PPP2R5C: variants seen among roughly 807,000 people sequenced by gnomAD.
PPP2R5C encodes serine/threonine-protein phosphatase 2A 56 kDa regulatory subunit gamma isoform.
In PPP2R5C, 7 loss-of-function variants were observed where a neutral mutation model predicts 68.9. The ratio of observed to expected loss-of-function variants is 0.10; its 90% CI spans 0.06 to 0.19. PPP2R5C has a LOEUF of 0.19. PPP2R5C is among the 10% of genes least tolerant of loss of function. The pLI, the probability that PPP2R5C is intolerant of heterozygous loss-of-function variation, is 1.00. For synonymous variants in PPP2R5C, 210 were observed against 222.2 expected, an observed-to-expected ratio of 0.95 and a Z score of 0.49; for missense variants, 348 against 641.3, an observed-to-expected ratio of 0.54 and a Z score of 4.94.
rs373304623 is a variant in PPP2R5C, at chr14:101,911,604, C to T, written c.1254-797C>T. Among the ~76,000 whole-genome samples, 15 of 152,102 alleles carry T rather than the reference C, an allele frequency of 9.9e-5. No homozygotes were observed. In the South Asian group the frequency reaches 1.2e-3, roughly 13 times the overall value. Reference sequence around the variant, plus strand: ...TGGGTTGAAAAACTTGGATCCTGGCCGGGCGCAGTGGCTCACACCTGTAAT... The same window carrying T: ...TGGGTTGAAAAACTTGGATCCTGGCTGGGCGCAGTGGCTCACACCTGTAAT... On this transcript the variant is annotated intron_variant, in intron 11 of 13. Coordinates refer to ENST00000334743, the Ensembl canonical transcript of PPP2R5C.
chr14:101,918,047 A>C, intron 13 of PPP2R5C, 100 bp downstream of exon 15: 5 of 1,530,890 alleles, frequency 3.3e-6, no homozygotes, highest in Non-Finnish European at 4.4e-6. Context: ...CTTCTGTTTA[A>C]GCTGAAATTA....
rs1293628165 is a variant in PPP2R5C at position 101,917,411 on chromosome 14, G to A, written c.1327-420G>A. ...GAGGACATGATCGTGAGAGGAAAGG[G>A]AAAAGAATCATGAGGTTGGAGGTCG... On this transcript the variant is annotated intron_variant, in intron 12 of 13. Coordinates refer to ENST00000334743, the Ensembl canonical transcript of PPP2R5C. The surrounding 1 kb of genome is among the most constrained non-coding windows in gnomAD (Gnocchi z 4.4). 1.3e-5 allele frequency among the ~76,000 whole-genome samples: 2 copies of A among 152,222 alleles called. No homozygotes were observed. Among genetic ancestry groups the A allele is most frequent in the Non-Finnish European group, 2.9e-5 (2 of 68,032 alleles).
chr14:101,925,723 G>A (rs11553289), exon 14 of PPP2R5C: 4,852 of 153,374 alleles, frequency 0.032, 158 homozygotes, highest in African/African-American at 0.079. Flanking sequence ...CCACGTGATT[G>A]TTACGCCAGC....
intron 13 of PPP2R5C, among the ~76,000 whole-genome samples, chr14:101,919,839 G>T (rs925430504): frequency 1.3e-5 from 2 of 152,014 alleles, no homozygotes; most frequent in African/African-American, 2.4e-5. Flanking sequence ...CTTGGTGGCA[G>T]GTTCCTGTAA....
chr14:101,765,108 A>G lies in PPP2R5C; in HGVS notation c.93+2138A>G, dbSNP rs115849581. 1,182 of 701,654 alleles carry G rather than the reference A, an allele frequency of 1.7e-3. 8 individuals are homozygous for G. Among genetic ancestry groups the G allele is most frequent in the African/African-American group, 0.011 (622 of 57,334 alleles). The allele number at this position is 701,654 out of a possible 1,614,324, so 43.5% of individuals were successfully genotyped here. A position where few individuals can be genotyped will look rare whatever the true frequency, so the allele number is the denominator to read the frequency against. ...GTGTGAGACCTGCGGTGTGGCCTGC[A>G]GTGCCTGAGTATGATGCCCCACTTG... On this transcript the variant is annotated intron_variant, in intron 2 of 14. Transcript: ENST00000328724.
chr14:101,772,944 A>T (rs895381182), intron 2 of PPP2R5C, among the ~76,000 whole-genome samples: 1 of 152,136 alleles, frequency 6.6e-6, no homozygotes, highest in Admixed American at 6.5e-5. Flanking sequence ...GAAGCTGTGC[A>T]ATGTGGCAGA....
chr14:101,873,144 AAT>A (rs1359561478), intron 2 of PPP2R5C, among the ~76,000 whole-genome samples: 2 of 152,144 alleles, frequency 1.3e-5, no homozygotes, highest in Non-Finnish European at 2.9e-5. Context: ...GTCTTTTTAA[AAT>A]ATCTTTCACG....
chr14:101,796,269 G>A (rs2038604204), intron 3 of PPP2R5C, among the ~76,000 whole-genome samples: 1 of 152,242 alleles, frequency 6.6e-6, no homozygotes, highest in Non-Finnish European at 1.5e-5. Context: ...AGTTATCGGA[G>A]TGCCTGCTGC....
chr14:101,886,787 G>T (rs2044551724), intron 5 of PPP2R5C, among the ~76,000 whole-genome samples: 1 of 152,044 alleles, frequency 6.6e-6, no homozygotes, highest in Non-Finnish European at 1.5e-5. Context: ...GTACAGTGAT[G>T]CTGTACTCCA....
At chr14:101,848,292 G>C (rs1426197054) in intron 1 of PPP2R5C, among the ~76,000 whole-genome samples, 1 of 152,106 alleles carries the variant, frequency 6.6e-6, no homozygotes, top group African/African-American at 2.4e-5. Flanking sequence ...CAGCACTTTG[G>C]GAGGCCAAGG....
chr14:101,767,530 T>C (rs113432105), intron 2 of PPP2R5C, among the ~76,000 whole-genome samples: 3,302 of 6,978 alleles, frequency 0.47, 116 homozygotes, highest in Middle Eastern at 0.67. Context: ...GGGCTTTCGC[T>C]AGAACCTCCC....
rs1422138264 is a variant in PPP2R5C, at chr14:101,919,980, A to AC, written c.1443+2033_1443+2034insC. ...GCAAAACTCCGTCTCAAAAAAAAAAAAAAAAAAAAAAACCAATTCTTACAC... is the reference window on the plus strand; with the variant it reads ...GCAAAACTCCGTCTCAAAAAAAAAAACAAAAAAAAAAAACCAATTCTTACAC... On this transcript the variant is annotated intron_variant, in intron 13 of 13. Coordinates refer to ENST00000334743, the Ensembl canonical transcript of PPP2R5C. 2.0e-4 allele frequency among the ~76,000 whole-genome samples: 23 copies of AC among 114,184 alleles called. No individual in the cohort carries two copies. The Middle Eastern group carries it at 0.015, about 75-fold the overall frequency. The allele number at this position is 114,184 out of a possible 152,430, so 74.9% of individuals were successfully genotyped here. A position where few individuals can be genotyped will look rare whatever the true frequency, so the allele number is the denominator to read the frequency against.
At chr14:101,816,927 AAT>A (rs567552488) in intron 1 of PPP2R5C, among the ~76,000 whole-genome samples, 6 of 140,756 alleles carry the variant, frequency 4.3e-5, no homozygotes, top group African/African-American at 1.6e-4. Context: ...ATATTTATAT[AAT>A]ATATATAATA....
At chr14:101,765,456 AAACC>A in intron 2 of PPP2R5C, 1 of 577,736 alleles carries the variant, frequency 1.7e-6, no homozygotes, top group Non-Finnish European at 3.1e-6. Context: ...CAGGTGAATT[AAACC>A]ATTATTGCAC....
intron 2 of PPP2R5C, among the ~76,000 whole-genome samples, chr14:101,858,633 CT>C (rs1335541725): frequency 1.3e-5 from 2 of 152,000 alleles, no homozygotes; most frequent in East Asian, 1.9e-4. Flanking sequence ...TCATTTCCCC[CT>C]ATTGCTTAAT....
At chr14:101,801,132 T>A (rs2140138913) in intron 3 of PPP2R5C, among the ~76,000 whole-genome samples, 1 of 152,290 alleles carries the variant, frequency 6.6e-6, no homozygotes, top group East Asian at 1.9e-4. Flanking sequence ...GAATAAGTTC[T>A]AGAATTCAAG....
At chr14:101,780,845 C>T (rs561998494) in intron 2 of PPP2R5C, among the ~76,000 whole-genome samples, 3 of 152,222 alleles carry the variant, frequency 2.0e-5, no homozygotes, top group Admixed American at 6.5e-5. Flanking sequence ...GGAATTGCTC[C>T]GGTGTGAGGT....
chr14:101,844,984 T>C (rs1043729380), intron 1 of PPP2R5C, among the ~76,000 whole-genome samples: 1 of 152,146 alleles, frequency 6.6e-6, no homozygotes, highest in Non-Finnish European at 1.5e-5. Context: ...GTTGAGCATT[T>C]AGTAATCAGT....
At chr14:101,833,229 C>T (rs1230229706) in intron 1 of PPP2R5C, among the ~76,000 whole-genome samples, 1 of 152,236 alleles carries the variant, frequency 6.6e-6, no homozygotes, top group Non-Finnish European at 1.5e-5. Flanking sequence ...GCGCCTAGGT[C>T]CGCCCCTCGG....
Sources: allele counts gnomAD v4.1 joint callset (sites outside exome capture counted in the v4.1 genomes callset), GRCh38; gene constraint gnomAD v4.1.1; non-coding constraint Gnocchi (gnomAD v3.1); transcripts MANE v1.5; gene names NCBI Gene and HGNC (gene_info 2026-07-23, HGNC 2026-07-21).